UNC5C: variants seen among roughly 807,000 people sequenced by gnomAD.
UNC5C encodes the protein unc-5 netrin receptor C.
UNC5C carries 47 observed loss-of-function variants against 99.8 expected under a neutral mutation model. The ratio of observed to expected loss-of-function variants is 0.47; its 90% confidence interval spans 0.37 to 0.60. The LOEUF (loss-of-function observed/expected upper bound fraction) is 0.60. Ranked by LOEUF, UNC5C falls within the 20% of genes least tolerant of loss-of-function variation. UNC5C has a pLI of 0.00. For missense variants in UNC5C, 1,062 were observed against 1,165.9 expected (o/e 0.91, Z 1.30); for synonymous variants, 487 against 452.2 (o/e 1.08, Z -0.98).
chr4:95,415,107 C>T (rs1428223876), intron 1 of UNC5C, among the ~76,000 whole-genome samples: 1 of 152,030 alleles, frequency 6.6e-6, no homozygotes, highest in Non-Finnish European at 1.5e-5. Context: ...CCAGAGCTGT[C>T]ACAGACTCCT....
intron 1 of UNC5C, among the ~76,000 whole-genome samples, chr4:95,417,864 G>A (rs897239530): frequency 1.3e-5 from 2 of 152,106 alleles, no homozygotes; most frequent in Non-Finnish European, 2.9e-5. Flanking sequence ...AACTATATAT[G>A]AACACAGATA....
intron 1 of UNC5C, among the ~76,000 whole-genome samples, chr4:95,424,952 G>A (rs899086076): frequency 4.6e-5 from 7 of 152,184 alleles, no homozygotes; most frequent in South Asian, 2.1e-4. Context: ...GGAAAGGACC[G>A]GACTAGGCTT....
chr4:95,435,512 T>G (rs1444119741), intron 1 of UNC5C, among the ~76,000 whole-genome samples: 1 of 152,086 alleles, frequency 6.6e-6, no homozygotes, highest in Non-Finnish European at 1.5e-5. Flanking sequence ...ATGCATTACT[T>G]TACTTGTGAG....
chr4:95,355,941 G>T (rs1300444703), intron 1 of UNC5C, among the ~76,000 whole-genome samples: 1 of 151,950 alleles, frequency 6.6e-6, no homozygotes, highest in Non-Finnish European at 1.5e-5. Context: ...TCTTATTCCA[G>T]TAGTTTGGGG....
chr4:95,299,262 T>A (rs981558025), intron 3 of UNC5C, among the ~76,000 whole-genome samples: 1 of 152,014 alleles, frequency 6.6e-6, no homozygotes, highest in Non-Finnish European at 1.5e-5. Flanking sequence ...GTAAAGACTA[T>A]GTGAAGACAC....
chr4:95,267,085 T>C (rs908394421), intron 4 of UNC5C, among the ~76,000 whole-genome samples: 1 of 152,212 alleles, frequency 6.6e-6, no homozygotes, highest in African/African-American at 2.4e-5. Context: ...CCAATAATTT[T>C]TCTCATGGTT....
intron 1 of UNC5C, among the ~76,000 whole-genome samples, chr4:95,522,497 G>C (rs910086161): frequency 1.3e-5 from 2 of 151,622 alleles, no homozygotes; most frequent in East Asian, 3.9e-4. Flanking sequence ...AGAATGAGAG[G>C]TTATATTAAA....
chr4:95,234,087 T>C (rs1229990538), intron 7 of UNC5C, among the ~76,000 whole-genome samples: 2 of 152,238 alleles, frequency 1.3e-5, no homozygotes, highest in Non-Finnish European at 2.9e-5. Flanking sequence ...TTCTTCTGTA[T>C]CTTTCTATGT....
At chr4:95,522,342 A>T (rs1722382313) in intron 1 of UNC5C, among the ~76,000 whole-genome samples, 1 of 152,174 alleles carries the variant, frequency 6.6e-6, no homozygotes, top group African/African-American at 2.4e-5. Flanking sequence ...CAATGCTAAT[A>T]TTTCTTTCAG....
intron 1 of UNC5C, among the ~76,000 whole-genome samples, chr4:95,509,806 TATAA>T (rs1483838730): frequency 2.6e-5 from 4 of 151,914 alleles, no homozygotes; most frequent in Non-Finnish European, 5.9e-5. Context: ...ATATAAACAA[TATAA>T]ATAACATGAA....
intron 1 of UNC5C, among the ~76,000 whole-genome samples, chr4:95,474,096 AT>A (rs1210995354): frequency 6.6e-6 from 1 of 151,962 alleles, no homozygotes; most frequent in African/African-American, 2.4e-5. Flanking sequence ...TATACTTGAT[AT>A]TTTCCTTTCA....
chr4:95,387,005 C>G (rs984996396), intron 1 of UNC5C, among the ~76,000 whole-genome samples: 4 of 152,140 alleles, frequency 2.6e-5, no homozygotes, highest in Admixed American at 2.0e-4. Context: ...TCTAGAGACA[C>G]TTGTCTTTCA....
chr4:95,443,254 G>A (rs988524102), intron 1 of UNC5C, among the ~76,000 whole-genome samples: 1 of 152,152 alleles, frequency 6.6e-6, no homozygotes, highest in Non-Finnish European at 1.5e-5. Flanking sequence ...GATCAGATCA[G>A]AAAGGACACA....
At chr4:95,193,219 T>A (rs894508996) in intron 12 of UNC5C, among the ~76,000 whole-genome samples, 1 of 152,192 alleles carries the variant, frequency 6.6e-6, no homozygotes. Context: ...AGCAGAAGCA[T>A]GAGCAGGTGG....
Position 95,548,918 on chromosome 4 carries a change from A to G in UNC5C, c.-61T>C, listed in dbSNP as rs1236171292. The G allele has an allele frequency of 3.1e-5, 49 of 1,594,414 alleles. No individual in the cohort carries two copies. The highest frequency in any genetic ancestry group is 3.8e-5 in the Non-Finnish European group (44 of 1,168,320). ...ACAGAGAGACGCGCAAACAGCTGAA[A>G]GCCCCACTGGGCAGAAGCTGAATCC... On this transcript the variant is annotated 5_prime_UTR_variant, in exon 1 of 16. Transcript: ENST00000453304.
chr4:95,335,721 A>C, intron 1 of UNC5C, 90 bp from the exon 2 acceptor site: 1 of 1,040,122 alleles, frequency 9.6e-7, no homozygotes, highest in Non-Finnish European at 1.4e-6. Context: ...TGACTTATAA[A>C]TGCAGTAATT....
intron 1 of UNC5C, among the ~76,000 whole-genome samples, chr4:95,496,109 G>A (rs1721625350): frequency 6.6e-6 from 1 of 151,722 alleles, no homozygotes; most frequent in African/African-American, 2.4e-5. Flanking sequence ...ACACTACTCT[G>A]AAGAAAAACA....
At chr4:95,533,064 T>C (rs566482996) in intron 1 of UNC5C, among the ~76,000 whole-genome samples, 1 of 152,126 alleles carries the variant, frequency 6.6e-6, no homozygotes, top group African/African-American at 2.4e-5. Context: ...GACATATTTT[T>C]AAAAATATTT....
At chr4:95,412,735 G>A (rs1274737039) in intron 1 of UNC5C, among the ~76,000 whole-genome samples, 1 of 152,146 alleles carries the variant, frequency 6.6e-6, no homozygotes, top group Non-Finnish European at 1.5e-5. Flanking sequence ...ATATTCTTGT[G>A]AGAGTTAACA....
Sources: allele counts gnomAD v4.1 joint callset (sites outside exome capture counted in the v4.1 genomes callset), GRCh38; gene constraint gnomAD v4.1.1; transcripts MANE v1.5; gene names NCBI Gene and HGNC (gene_info 2026-07-23, HGNC 2026-07-21).